Variants in TDRD12 observed in about 807,000 individuals in gnomAD.
TDRD12 encodes the protein tudor domain containing 12.
In TDRD12, 158 loss-of-function variants were observed where a neutral mutation model predicts 133.5. The observed-to-expected ratio is 1.18, with a 90% confidence interval of 1.04 to 1.35. TDRD12 has a LOEUF of 1.35. TDRD12 is among the 40% of genes most tolerant of loss of function. TDRD12 has a pLI of 0.00. For missense variants in TDRD12, 1,443 were observed against 1,321.3 expected, an observed-to-expected ratio of 1.09 and a Z score of -1.43; for synonymous variants, 460 against 477.9, an observed-to-expected ratio of 0.96 and a Z score of 0.49.
At chr19:32,726,083 AT>A (rs767630780) in intron 1 of TDRD12, among the ~76,000 whole-genome samples, 2,423 of 144,326 alleles carry the variant, frequency 0.017, 45 homozygotes, top group African/African-American at 0.048. Context: ...TACATTCATA[AT>A]TTTTTTTTTT....
intron 4 of TDRD12, among the ~76,000 whole-genome samples, chr19:32,745,348 C>T (rs553194473): frequency 3.9e-5 from 6 of 152,338 alleles, no homozygotes; most frequent in South Asian, 2.1e-4. Flanking sequence ...GTTTGGTCAC[C>T]TTCTTTGACA....
At chr19:32,739,755 GCTCTCTGCATCTCCTGGTGCT>G (rs1969348480) in intron 3 of TDRD12, among the ~76,000 whole-genome samples, 1 of 116,884 alleles carries the variant, frequency 8.6e-6, no homozygotes, top group Non-Finnish European at 1.7e-5. Context: ...TCTCCTGGGT[GCTCTCTGCATCTCCTGGTGCT>G]CTCTCTGCAT....
rs528979964 is a variant in TDRD12, at chr19:32,815,580, G to A, written c.3274G>A (p.Ala1092Thr). ...ACAACTGAAAAAATTACGCGAAGAT[G>A]CTAAGATACCAGCTTGTGAAGAAAG... Residue 1092 changes from alanine to threonine, a missense_variant, in exon 26 of 28, where the codon GCT becomes ACT. Transcript: ENST00000444215. The A allele has an allele frequency of 3.1e-5, 47 of 1,536,224 alleles. 1 individual carries two copies. In the South Asian group the frequency reaches 5.2e-4, roughly 17 times the overall value.
chr19:32,720,148 C>A, intron 1 of TDRD12, 52 bp downstream of exon 1: 4 of 1,523,952 alleles, frequency 2.6e-6, no homozygotes, highest in Non-Finnish European at 3.5e-6. Flanking sequence ...CCCCCACCCC[C>A]ACCCCAGCCG....
chr19:32,744,857 C>G (rs879729972), intron 4 of TDRD12, among the ~76,000 whole-genome samples: 2 of 152,212 alleles, frequency 1.3e-5, no homozygotes, highest in Non-Finnish European at 2.9e-5. Context: ...CCAGTTCTGA[C>G]TCCACTGGCA....
chr19:32,737,939 C>T (rs1354899454), intron 2 of TDRD12, among the ~76,000 whole-genome samples: 2 of 152,206 alleles, frequency 1.3e-5, no homozygotes, highest in African/African-American at 4.8e-5. Flanking sequence ...TCGAGGCCAT[C>T]CTGACCAATA....
chr19:32,794,665 C>A, exon 14 of TDRD12: 1 of 702,984 alleles, frequency 1.4e-6, no homozygotes. Context: ...CCCAGCCACA[C>A]TGAATCTTAC....
intron 8 of TDRD12, among the ~76,000 whole-genome samples, chr19:32,772,351 G>C (rs1254480304): frequency 2.0e-5 from 3 of 152,134 alleles, no homozygotes; most frequent in African/African-American, 7.2e-5. Context: ...CACCACTTCT[G>C]GGTGGGTTAT....
At chr19:32,729,046 A>G (rs1005343957) in intron 1 of TDRD12, among the ~76,000 whole-genome samples, 217 of 149,952 alleles carry the variant, frequency 1.4e-3, no homozygotes, top group Non-Finnish European at 2.6e-3. Flanking sequence ...CTATATACAT[A>G]TAGAGTTTCC....
chr19:32,827,022 T>G (rs1458369586), intron 9 of TDRD12, 142 bp from the exon 33 acceptor site: 5 of 439,068 alleles, frequency 1.1e-5, no homozygotes, highest in Non-Finnish European at 1.9e-5. Context: ...ACCTGCTCAT[T>G]TCTTACCTAA....
Position 32,727,559 on chromosome 19 carries a change from C to T in TDRD12, c.25-4166C>T, listed in dbSNP as rs192414529. On this transcript the variant is annotated intron_variant, in intron 1 of 27. Coordinates refer to ENST00000444215, the Ensembl canonical transcript of TDRD12. Reference sequence around the variant, plus strand: ...TTTTGTCAAATCCAACGTCACAAAGCATTTGCTCTGTGTTTTCTTTTGTAG... The same window carrying T: ...TTTTGTCAAATCCAACGTCACAAAGTATTTGCTCTGTGTTTTCTTTTGTAG... Among the ~76,000 whole-genome samples the T allele has an allele frequency of 8.5e-5, 13 of 152,278 alleles. No individual in the cohort carries two copies. The East Asian group carries it at 2.1e-3, about 25-fold the overall frequency.
chr19:32,756,992 G>T, intron 7 of TDRD12, 46 bp from the exon 8 acceptor site: 2 of 1,471,436 alleles, frequency 1.4e-6, no homozygotes, highest in South Asian at 1.2e-5. Context: ...TTTTTATTTT[G>T]GGCTTTATTT....
chr19:32,739,162 A>G (rs1183647795), intron 3 of TDRD12, among the ~76,000 whole-genome samples, 170 bp downstream of exon 3: 1 of 152,170 alleles, frequency 6.6e-6, no homozygotes, highest in Non-Finnish European at 1.5e-5. Context: ...GTCTGCACCC[A>G]CTGACTGGCA....
At chr19:32,723,685 C>T (rs1968766453) in intron 1 of TDRD12, among the ~76,000 whole-genome samples, 1 of 148,410 alleles carries the variant, frequency 6.7e-6, no homozygotes, top group Admixed American at 6.7e-5. Context: ...AAAAAAAAAC[C>T]ATGCTGGAAT....
chr19:32,810,230 G>A, exon 23 of TDRD12: 2 of 1,534,548 alleles, frequency 1.3e-6, no homozygotes, highest in Non-Finnish European at 1.7e-6. Flanking sequence ...TGGAAAAGGT[G>A]GAGAAGTTTG....
chr19:32,721,531 G>C (rs952503290), intron 1 of TDRD12, among the ~76,000 whole-genome samples: 1 of 151,298 alleles, frequency 6.6e-6, no homozygotes, highest in Non-Finnish European at 1.5e-5. Flanking sequence ...GATTACAGGT[G>C]CCTGCCACCA....
At chr19:32,746,906 G>T (rs887476324) in intron 4 of TDRD12, among the ~76,000 whole-genome samples, 1 of 149,810 alleles carries the variant, frequency 6.7e-6, no homozygotes, top group Non-Finnish European at 1.5e-5. Flanking sequence ...GAGAGAGAGA[G>T]AGGGAGAGAC....
chr19:32,800,570 CA>C, intron 17 of TDRD12, 73 bp from the exon 18 acceptor site: 1 of 1,280,814 alleles, frequency 7.8e-7, no homozygotes, highest in Non-Finnish European at 1.0e-6. Context: ...ATTAAAATCC[CA>C]ACACCTGTGG....
intron 7 of TDRD12, 51 bp from the exon 8 acceptor site, chr19:32,756,987 A>AT: frequency 6.8e-7 from 1 of 1,471,978 alleles, no homozygotes; most frequent in Non-Finnish European, 9.3e-7. Context: ...TCACATTTTT[A>AT]TTTTGGGCTT....
Sources: allele counts gnomAD v4.1 joint callset (sites outside exome capture counted in the v4.1 genomes callset), GRCh38; gene constraint gnomAD v4.1.1; transcripts MANE v1.5; gene names NCBI Gene and HGNC (gene_info 2026-07-23, HGNC 2026-07-21).